Variants in MBD5 observed in about 807,000 individuals in gnomAD.
MBD5 encodes methyl-CpG binding domain protein 5.
Under a neutral mutation model 117.3 loss-of-function variants are expected in MBD5, and 13 were observed. That is an observed-to-expected ratio of 0.11 (90% CI 0.07 to 0.18). MBD5 has a LOEUF of 0.18. Among genes scored for constraint, MBD5 ranks in the 10% least tolerant of loss-of-function variants. The pLI is 1.00. For synonymous variants in MBD5, 727 were observed against 766.4 expected (o/e 0.95, Z 0.85); for missense variants, 1,879 against 2,093.8 (o/e 0.90, Z 2.00).
At chr2:148,336,523 A>G (rs1345785567) in intron 3 of MBD5, among the ~76,000 whole-genome samples, 1 of 152,026 alleles carries the variant, frequency 6.6e-6, no homozygotes, top group Non-Finnish European at 1.5e-5. Context: ...TGTAGCTGGG[A>G]CTACCAGCAT....
chr2:148,358,602 A>AC (rs1703445989), intron 4 of MBD5, among the ~76,000 whole-genome samples: 1 of 103,380 alleles, frequency 9.7e-6, no homozygotes. Context: ...AACAGGTGAA[A>AC]CCCCCACTAA....
intron 4 of MBD5, among the ~76,000 whole-genome samples, chr2:148,348,367 C>G (rs1026276719): frequency 6.6e-6 from 1 of 152,004 alleles, no homozygotes; most frequent in African/African-American, 2.4e-5. Context: ...CTTCCTCAAA[C>G]TAGTCAGACT....
At chr2:148,383,954 T>C (rs10204642) in intron 4 of MBD5, among the ~76,000 whole-genome samples, 77,682 of 151,388 alleles carry the variant, frequency 0.51, 20,083 homozygotes, top group East Asian at 0.75. Flanking sequence ...ATGGATGGGA[T>C]GTATCTCAAA....
chr2:148,296,864 A>ATTTTT (rs757371602), intron 3 of MBD5, among the ~76,000 whole-genome samples: 9,636 of 60,154 alleles, frequency 0.16, 1,874 homozygotes, highest in South Asian at 0.21. Context: ...TAGTTCTTCA[A>ATTTTT]TTTTTTTTTT....
rs555110303 is a variant in MBD5 at position 148,489,102 on chromosome 2, T to A, written c.3754-284T>A. Among the ~76,000 whole-genome samples, 43 of 152,314 alleles carry A rather than the reference T, an allele frequency of 2.8e-4. No individual in the cohort carries two copies. In the South Asian group the frequency reaches 8.7e-3, roughly 31 times the overall value. On this transcript the variant is annotated intron_variant, in intron 10 of 13. Transcript: ENST00000642680. Reference sequence around the variant, plus strand: ...CATCCCAACCTGAGTACGTTTTCTGTCCAGCCACTTCAAGTTTAATTTTTC... The same window carrying A: ...CATCCCAACCTGAGTACGTTTTCTGACCAGCCACTTCAAGTTTAATTTTTC...
chr2:148,319,261 T>C (rs779115383), intron 3 of MBD5, among the ~76,000 whole-genome samples: 1 of 152,190 alleles, frequency 6.6e-6, no homozygotes, highest in Non-Finnish European at 1.5e-5. Flanking sequence ...CCCATATTAA[T>C]TTTAGGATTG....
In MBD5 at chr2:148,483,336, C is replaced by T. The variant is rs1681224685; in HGVS notation, c.2745C>T (p.Asn915=). Residue 915 remains asparagine (N), a synonymous_variant, in exon 9 of 14, where the codon AAC becomes AAT. Transcript: ENST00000642680. ...TSNNHLPHPL[N]PSLLSSLPIS... ...ACAACCATCTTCCACACCCCTTGAA[C>T]CCCAGCCTCCTCAGTTCTCTACCTA... 6.2e-7 allele frequency: 1 copy of T among 1,614,000 alleles called. No individual in the cohort carries two copies. The highest frequency in any genetic ancestry group is 1.1e-5 in the South Asian group (1 of 91,080).
At chr2:148,369,306 T>C (rs1334211053) in intron 4 of MBD5, among the ~76,000 whole-genome samples, 12 of 152,154 alleles carry the variant, frequency 7.9e-5, no homozygotes, top group Admixed American at 4.6e-4. Flanking sequence ...AGGGTTTTTT[T>C]TCAATCTATA....
intron 4 of MBD5, among the ~76,000 whole-genome samples, chr2:148,448,762 A>T (rs540756325): frequency 6.6e-6 from 1 of 152,198 alleles, no homozygotes; most frequent in Admixed American, 6.6e-5. Flanking sequence ...AGGTTTGGGA[A>T]TAAACAAAAT....
chr2:148,165,309 T>G (rs1356549030), intron 1 of MBD5, among the ~76,000 whole-genome samples: 1 of 152,128 alleles, frequency 6.6e-6, no homozygotes, highest in Non-Finnish European at 1.5e-5. Context: ...ATGAAATGAA[T>G]TAAATATGTT....
At chr2:148,351,176 AT>A (rs1421539997) in intron 4 of MBD5, among the ~76,000 whole-genome samples, 4 of 151,990 alleles carry the variant, frequency 2.6e-5, no homozygotes, top group African/African-American at 9.7e-5. Context: ...ATTTTTTACA[AT>A]TTGGGGTTGT....
chr2:148,412,787 T>C (rs1310836721), intron 4 of MBD5, among the ~76,000 whole-genome samples: 1 of 152,158 alleles, frequency 6.6e-6, no homozygotes, highest in Non-Finnish European at 1.5e-5. Flanking sequence ...TGCTACTGAT[T>C]TTTGTACATT....
chr2:148,189,231 A>T lies in MBD5; in HGVS notation c.-831+10438A>T, dbSNP rs1472009096. ...GCTTAGGTAAACAAAGCAGCCGGGA[A>T]GCTCGAACTGGGTGGAGCCCACCAC... On this transcript the variant is annotated intron_variant, in intron 2 of 13. Transcript: ENST00000642680. 1.0e-3 allele frequency among the ~76,000 whole-genome samples: 147 copies of T among 147,702 alleles called. 2 individuals carry two copies. The highest frequency in any genetic ancestry group is 3.5e-3 in the Middle Eastern group (1 of 288).
intron 4 of MBD5, chr2:148,346,007 A>T (rs1438552418): frequency 6.6e-6 from 1 of 151,852 alleles, no homozygotes; most frequent in Non-Finnish European, 1.5e-5. Context: ...CTCAAATGTT[A>T]ATCTCTTTTG....
chr2:148,038,230 C>A (rs900612760), intron 1 of MBD5, among the ~76,000 whole-genome samples: 2 of 151,994 alleles, frequency 1.3e-5, no homozygotes, highest in Non-Finnish European at 2.9e-5. Flanking sequence ...GTCTATATAA[C>A]AGGAGGAATC....
At chr2:148,107,262 C>T (rs1037628950) in intron 1 of MBD5, among the ~76,000 whole-genome samples, 2 of 152,064 alleles carry the variant, frequency 1.3e-5, no homozygotes, top group African/African-American at 4.8e-5. Context: ...CTTTTGAAAA[C>T]TCATTAGTCT....
intron 4 of MBD5, among the ~76,000 whole-genome samples, chr2:148,382,908 G>A (rs1255835604): frequency 1.3e-5 from 2 of 151,284 alleles, no homozygotes; most frequent in South Asian, 2.1e-4. Context: ...TGAAACCAAT[G>A]AGAACAAAGA....
intron 1 of MBD5, among the ~76,000 whole-genome samples, chr2:148,043,077 C>A (rs1345630995): frequency 6.6e-6 from 1 of 151,966 alleles, no homozygotes; most frequent in Admixed American, 6.6e-5. Flanking sequence ...ATCGGAATCA[C>A]CTGAGTTGCA....
chr2:148,176,878 A>C (rs1448533453), intron 1 of MBD5, among the ~76,000 whole-genome samples: 2 of 61,112 alleles, frequency 3.3e-5, no homozygotes, highest in South Asian at 8.4e-4. Flanking sequence ...CTTAAGGACA[A>C]AAAAAAAAAA....
Sources: gnomAD v4.1 joint callset for allele counts (sites outside exome capture counted in the v4.1 genomes callset) on GRCh38, gnomAD v4.1.1 for gene constraint, MANE v1.5 for transcripts, NCBI Gene and HGNC (gene_info 2026-07-23, HGNC 2026-07-21) for gene names.